Variants in MTHFD1L observed in about 807,000 individuals in gnomAD.
The protein encoded by MTHFD1L is monofunctional C1-tetrahydrofolate synthase, mitochondrial.
Under a neutral mutation model 119.5 loss-of-function variants are expected in MTHFD1L, and 81 were observed. The ratio of observed to expected loss-of-function variants is 0.68; its 90% CI spans 0.57 to 0.82. The LOEUF (loss-of-function observed/expected upper bound fraction) is 0.82. MTHFD1L is among the 40% of genes least tolerant of loss of function. The pLI is 0.00. For synonymous variants in MTHFD1L, 430 were observed against 475.2 expected (o/e 0.90, Z 1.24); for missense variants, 1,125 against 1,253.4 (o/e 0.90, Z 1.55).
At chr6:150,866,843 A>T (rs1778442374) in intron 1 of MTHFD1L, among the ~76,000 whole-genome samples, 1 of 152,030 alleles carries the variant, frequency 6.6e-6, no homozygotes, top group Non-Finnish European at 1.5e-5. Context: ...GCCCTCGCCC[A>T]GAGGGGCGCA....
At position 151,027,658 on chromosome 6, in the gene MTHFD1L, C is replaced by T. The variant is rs868266252; in HGVS notation, c.2587-6835C>T. ...TTTTTTTTTTTTTCTTTAAAGATTA[C>T]ACTTCTCCCCCAAATCAAGCAGATT... On this transcript the variant is annotated intron_variant, in intron 24 of 27. Coordinates refer to ENST00000367321, the MANE Select transcript of MTHFD1L (RefSeq NM_015440.5). Among the ~76,000 whole-genome samples the T allele has an allele frequency of 2.2e-4, 32 of 145,498 alleles. No individual in the cohort carries two copies. The Middle Eastern group carries it at 0.018, about 81-fold the overall frequency.
At chr6:151,023,724 A>G (rs1784271531) in intron 24 of MTHFD1L, among the ~76,000 whole-genome samples, 1 of 152,238 alleles carries the variant, frequency 6.6e-6, no homozygotes, top group Non-Finnish European at 1.5e-5. Context: ...TTCTTCTAGC[A>G]TGCAAAATGA....
At chr6:151,056,463 A>G (rs1057257883) in intron 26 of MTHFD1L, among the ~76,000 whole-genome samples, 5 of 152,248 alleles carry the variant, frequency 3.3e-5, no homozygotes, top group Non-Finnish European at 5.9e-5. Context: ...TGCTTGGGCA[A>G]TGATGCCTGG....
chr6:150,970,594 T>C (rs1362375660), intron 19 of MTHFD1L, among the ~76,000 whole-genome samples: 2 of 152,236 alleles, frequency 1.3e-5, no homozygotes, highest in African/African-American at 2.4e-5. Context: ...ATATTAATCT[T>C]ATGAAATGTT....
At chr6:150,963,965 C>T (rs879645248) in intron 18 of MTHFD1L, among the ~76,000 whole-genome samples, 6 of 151,998 alleles carry the variant, frequency 3.9e-5, no homozygotes, top group Admixed American at 1.3e-4. Context: ...CAGGAGTTCG[C>T]GACCAGCCTG....
At chr6:150,907,898 T>A (rs926489566) in intron 8 of MTHFD1L, among the ~76,000 whole-genome samples, 9 of 76,972 alleles carry the variant, frequency 1.2e-4, no homozygotes, top group East Asian at 6.1e-4. Context: ...CTCTGTGAAA[T>A]TTTTTTTTTT....
chr6:150,876,825 T>C (rs1780526655), intron 2 of MTHFD1L, among the ~76,000 whole-genome samples: 1 of 152,180 alleles, frequency 6.6e-6, no homozygotes, highest in Non-Finnish European at 1.5e-5. Flanking sequence ...CCTTAGCGTA[T>C]CAAAATAGCA....
At position 150,949,056 on chromosome 6, in the gene MTHFD1L, C is replaced by T. The variant is rs767147621; in HGVS notation, c.1649C>T (p.Pro550Leu). The T allele has an allele frequency of 4.3e-6, 7 of 1,613,794 alleles. No individual in the cohort carries two copies. Among genetic ancestry groups the T allele is most frequent in the African/African-American group, 2.7e-5 (2 of 74,974 alleles). Residue 550 changes from proline (P) to leucine (L), a missense_variant, in exon 16 of 28, where the codon CCG becomes CTG. Physicochemically the swap from Pro to Leu is moderately conservative, Grantham distance 98. This residue lies in a region of MTHFD1L where 1,058 missense variants were observed against 1,151.2 expected (regional missense o/e 0.92). Transcript: ENST00000367321. ...LKKLGINKTD[P>L]STLTEEEVSK... ...AAACTGGGAATAAATAAGACTGATC[C>T]GAGCACACTGACAGAAGAGGAAGTG...
chr6:150,891,902 T>G (rs938066886), intron 7 of MTHFD1L, among the ~76,000 whole-genome samples: 2 of 152,188 alleles, frequency 1.3e-5, no homozygotes, highest in Non-Finnish European at 2.9e-5. Flanking sequence ...ATGTTCCTCA[T>G]GTTGCAGGGT....
At chr6:150,983,564 C>T (rs1777845724) in intron 20 of MTHFD1L, among the ~76,000 whole-genome samples, 1 of 152,172 alleles carries the variant, frequency 6.6e-6, no homozygotes, top group Non-Finnish European at 1.5e-5. Context: ...ATGGGGCCAG[C>T]TGTTCTTCCA....
chr6:151,034,970 T>G (rs186413657), intron 25 of MTHFD1L, among the ~76,000 whole-genome samples: 1 of 138,822 alleles, frequency 7.2e-6, no homozygotes, highest in Admixed American at 7.3e-5. Context: ...TTCCTCTTCC[T>G]TACAGGCCTC....
chr6:151,092,220 C>T (rs947398834), intron 26 of MTHFD1L, among the ~76,000 whole-genome samples: 3 of 152,018 alleles, frequency 2.0e-5, no homozygotes, highest in Non-Finnish European at 2.9e-5. Context: ...TTTTGTAGTT[C>T]GGGTGTGTTA....
At chr6:150,903,006 A>G (rs1457599356) in intron 7 of MTHFD1L, among the ~76,000 whole-genome samples, 1 of 152,134 alleles carries the variant, frequency 6.6e-6, no homozygotes, top group Non-Finnish European at 1.5e-5. Context: ...CTTGAGGATT[A>G]CTGTGGTTGA....
At chr6:150,894,114 A>C (rs917760011) in intron 7 of MTHFD1L, among the ~76,000 whole-genome samples, 3 of 152,116 alleles carry the variant, frequency 2.0e-5, no homozygotes, top group Non-Finnish European at 4.4e-5. Context: ...TGGTGGCTGT[A>C]GTCCCAGGTA....
chr6:151,034,820 T>A (rs1047247059), intron 25 of MTHFD1L, among the ~76,000 whole-genome samples: 1 of 152,242 alleles, frequency 6.6e-6, no homozygotes, highest in African/African-American at 2.4e-5. Context: ...TTTACTTCTG[T>A]GACTATAAAT....
At chr6:150,871,418 A>G (rs1261740896) in intron 1 of MTHFD1L, among the ~76,000 whole-genome samples, 1 of 149,546 alleles carries the variant, frequency 6.7e-6, no homozygotes, top group Non-Finnish European at 1.5e-5. Flanking sequence ...CAGTAGTAGG[A>G]CTTCTTTCAA....
intron 20 of MTHFD1L, among the ~76,000 whole-genome samples, chr6:150,975,944 A>C (rs1776493000): frequency 6.6e-6 from 1 of 152,132 alleles, no homozygotes; most frequent in South Asian, 2.1e-4. Context: ...CTTGTGGCTT[A>C]AGGGGGAAGC....
At chr6:150,866,669 G>A (rs1244718869) in intron 1 of MTHFD1L, 1 of 1,181,896 alleles carries the variant, frequency 8.5e-7, no homozygotes, top group Non-Finnish European at 1.0e-6. Context: ...CCGCCGGGGG[G>A]AATCCGAGAG....
intron 1 of MTHFD1L, among the ~76,000 whole-genome samples, chr6:150,873,410 A>G (rs566619120): frequency 6.6e-6 from 1 of 152,298 alleles, no homozygotes; most frequent in East Asian, 1.9e-4. Flanking sequence ...GAATGTTTTT[A>G]GTGTTTAAGG....
Sources: allele counts gnomAD v4.1 joint callset (sites outside exome capture counted in the v4.1 genomes callset), GRCh38; gene constraint gnomAD v4.1.1; regional missense constraint gnomAD v4.1.1; transcripts MANE v1.5; gene names NCBI Gene and HGNC (gene_info 2026-07-23, HGNC 2026-07-21).